Variants in BRINP1 observed in about 807,000 individuals in gnomAD.
BRINP1 encodes the protein BMP/retinoic acid-inducible neural-specific protein 1.
A neutral mutation model predicts 72.9 loss-of-function variants in BRINP1; 17 were observed. The observed-to-expected ratio is 0.23, with a 90% CI of 0.16 to 0.35. The LOEUF (loss-of-function observed/expected upper bound fraction) is 0.35. BRINP1 is among the 10% of genes least tolerant of loss of function. The pLI is 1.00. For missense variants in BRINP1, 850 were observed against 1,001.6 expected (o/e 0.85, Z 2.04); for synonymous variants, 418 against 378.5 (o/e 1.10, Z -1.21).
chr9:119,179,478 G>C (rs148840374), intron 7 of BRINP1, among the ~76,000 whole-genome samples: 2 of 152,310 alleles, frequency 1.3e-5, no homozygotes, highest in East Asian at 3.9e-4. Context: ...ACCATTAGAA[G>C]CAGGGAAACT....
intron 7 of BRINP1, among the ~76,000 whole-genome samples, chr9:119,170,089 G>C (rs2118819138): frequency 6.6e-6 from 1 of 152,264 alleles, no homozygotes; most frequent in East Asian, 1.9e-4. Flanking sequence ...CTCCTCCAAA[G>C]GAACGCAGTT....
At chr9:119,285,756 G>T (rs1200007143) in intron 2 of BRINP1, among the ~76,000 whole-genome samples, 1 of 151,990 alleles carries the variant, frequency 6.6e-6, no homozygotes, top group Admixed American at 6.5e-5. Context: ...ATCCCCAGAG[G>T]ATTTCTGGTG....
chr9:119,312,156 T>C (rs1214961042), intron 2 of BRINP1, among the ~76,000 whole-genome samples: 5 of 152,232 alleles, frequency 3.3e-5, no homozygotes, highest in Admixed American at 6.5e-5. Context: ...TTATCTAACA[T>C]GGACCAGAGT....
intron 1 of BRINP1, among the ~76,000 whole-genome samples, chr9:119,320,957 G>A (rs965678794): frequency 2.0e-5 from 3 of 151,872 alleles, no homozygotes; most frequent in African/African-American, 7.3e-5. Context: ...TTGAGACGGA[G>A]TCTCGCTCTG....
chr9:119,268,375 C>T (rs1315281935), intron 2 of BRINP1, among the ~76,000 whole-genome samples: 22 of 152,146 alleles, frequency 1.4e-4, no homozygotes, highest in Admixed American at 1.4e-3. Flanking sequence ...TCTCCAACTT[C>T]ACCCTCTACC....
At position 119,268,561 on chromosome 9, in the gene BRINP1, C is replaced by A. The variant is rs1211202742; in HGVS notation, c.219-19411G>T. ...ACAAGCTTAGAGAAGCAGTCTTTGG[C>A]CACCAAAGCTAAACTAGACATCTTC... On this transcript the variant is annotated intron_variant, in intron 2 of 7. Coordinates refer to ENST00000265922, the MANE Select transcript of BRINP1 (RefSeq NM_014618.3). 2.6e-5 allele frequency among the ~76,000 whole-genome samples: 4 copies of A among 152,278 alleles called. No homozygotes were observed. The East Asian group carries it at 7.8e-4, about 30-fold the overall frequency.
At chr9:119,254,812 G>A (rs57321722) in intron 2 of BRINP1, among the ~76,000 whole-genome samples, 21,414 of 152,190 alleles carry the variant, frequency 0.14, 1,639 homozygotes, top group Admixed American at 0.25. Context: ...ACAACTGAGT[G>A]TGGATGTGCT....
At chr9:119,270,260 T>C (rs1269252370) in intron 2 of BRINP1, among the ~76,000 whole-genome samples, 2 of 152,210 alleles carry the variant, frequency 1.3e-5, no homozygotes, top group Non-Finnish European at 2.9e-5. Flanking sequence ...TGTAAAGATG[T>C]TGGGTTTTGC....
intron 5 of BRINP1, among the ~76,000 whole-genome samples, chr9:119,218,679 A>G (rs1830006511): frequency 6.6e-6 from 1 of 151,600 alleles, no homozygotes; most frequent in African/African-American, 2.4e-5. Flanking sequence ...CCTGGCTTAC[A>G]ACCCCTGTGG....
chr9:119,235,552 T>C (rs1418156236), intron 5 of BRINP1, among the ~76,000 whole-genome samples: 1 of 152,172 alleles, frequency 6.6e-6, no homozygotes, highest in African/African-American at 2.4e-5. Flanking sequence ...TAAAATTTAT[T>C]ATGCCTACTC....
intron 1 of BRINP1, among the ~76,000 whole-genome samples, chr9:119,335,093 CA>C (rs1380049848): frequency 6.6e-6 from 1 of 152,122 alleles, no homozygotes; most frequent in Non-Finnish European, 1.5e-5. Context: ...CACAAACAGC[CA>C]GCTCAGGAGG....
intron 7 of BRINP1, among the ~76,000 whole-genome samples, chr9:119,186,413 G>A (rs1223060504): frequency 6.6e-6 from 1 of 152,166 alleles, no homozygotes; most frequent in Non-Finnish European, 1.5e-5. Flanking sequence ...CTGAAGCTTT[G>A]ACACATGGAA....
At chr9:119,192,612 G>A (rs1001492131) in intron 7 of BRINP1, among the ~76,000 whole-genome samples, 1 of 152,022 alleles carries the variant, frequency 6.6e-6, no homozygotes, top group Admixed American at 6.6e-5. Context: ...GTTGGTGAGG[G>A]TGTGAAGAAA....
intron 1 of BRINP1, among the ~76,000 whole-genome samples, chr9:119,332,509 G>A (rs1831309311): frequency 6.6e-6 from 1 of 152,068 alleles, no homozygotes; most frequent in African/African-American, 2.4e-5. Flanking sequence ...TTGAATTTGG[G>A]CTCATCTTCA....
At chr9:119,213,645 T>G (rs1829951084) in intron 6 of BRINP1, 1 of 578,450 alleles carries the variant, frequency 1.7e-6, no homozygotes, top group Non-Finnish European at 3.1e-6. Flanking sequence ...AGAGGCTTCC[T>G]ATGCAGATTT....
intron 1 of BRINP1, among the ~76,000 whole-genome samples, chr9:119,355,639 G>T (rs1831555489): frequency 6.6e-6 from 1 of 151,096 alleles, no homozygotes; most frequent in Admixed American, 6.6e-5. Context: ...TGAGGCAGGA[G>T]AATGGTGTGA....
chr9:119,367,842 C>T (rs1292309256), intron 1 of BRINP1, among the ~76,000 whole-genome samples: 1 of 152,194 alleles, frequency 6.6e-6, no homozygotes, highest in African/African-American at 2.4e-5. Context: ...CCCTCTCTCT[C>T]GCTCTTGCTC....
intron 2 of BRINP1, among the ~76,000 whole-genome samples, chr9:119,276,868 G>T (rs1184453976): frequency 6.6e-6 from 1 of 152,086 alleles, no homozygotes; most frequent in Non-Finnish European, 1.5e-5. Context: ...CAATAAAGCT[G>T]ATTTAAATTT....
chr9:119,220,502 G>A (rs1205313671), intron 5 of BRINP1, among the ~76,000 whole-genome samples: 1 of 152,076 alleles, frequency 6.6e-6, no homozygotes, highest in African/African-American at 2.4e-5. Flanking sequence ...AACTCAGCTT[G>A]TTTCTCCTTT....
Sources: gnomAD v4.1 joint callset for allele counts (sites outside exome capture counted in the v4.1 genomes callset) on GRCh38, gnomAD v4.1.1 for gene constraint, MANE v1.5 for transcripts, NCBI Gene and HGNC (gene_info 2026-07-23, HGNC 2026-07-21) for gene names.